Variants in NKTR observed in about 807,000 individuals in gnomAD.
The protein encoded by NKTR is natural killer cell triggering receptor.
NKTR carries 67 observed loss-of-function variants against 156.3 expected under a neutral mutation model. The observed-to-expected ratio is 0.43, with a 90% CI of 0.35 to 0.53. The LOEUF (loss-of-function observed/expected upper bound fraction) is 0.53, where lower values mean the gene tolerates loss of function less well. Ranked by LOEUF, NKTR falls within the 20% of genes least tolerant of loss-of-function variation. The pLI, the probability that NKTR is intolerant of heterozygous loss-of-function variation, is 0.01. For missense variants in NKTR, 1,604 were observed against 1,730.9 expected, an observed-to-expected ratio of 0.93 and a Z score of 1.30; for synonymous variants, 640 against 596.6, an observed-to-expected ratio of 1.07 and a Z score of -1.06.
chr3:42,633,344 C>T, intron 9 of NKTR: 2 of 1,274,194 alleles, frequency 1.6e-6, no homozygotes, highest in Non-Finnish European at 9.9e-7. Flanking sequence ...GCCTGGCCTC[C>T]TGGAACTCTT....
chr3:42,629,104 A>T (rs1438820315), intron 6 of NKTR: 1 of 969,082 alleles, frequency 1.0e-6, no homozygotes, highest in East Asian at 1.1e-4. Flanking sequence ...ACTTTGGTAA[A>T]GTTTTATAAT....
At position 42,607,614 on chromosome 3, in the gene NKTR, G is replaced by A. The variant is rs867672330; in HGVS notation, c.58+6550G>A. Among the ~76,000 whole-genome samples the A allele has an allele frequency of 5.9e-5, 9 of 152,194 alleles. No individual in the cohort carries two copies. In the South Asian group the frequency reaches 6.2e-4, roughly 11 times the overall value. On this transcript the variant is annotated intron_variant, in intron 2 of 16. Transcript: ENST00000232978. ...GATTCCTGGATTTTAAAAAATAGAT[G>A]TATATTTGTCAGTAAACTAGAAGGA... is the stretch of plus-strand genomic sequence containing the variant.
At position 42,635,360 on chromosome 3, in the gene NKTR, G is replaced by GAGAT; in HGVS notation, c.1159_1162dup (p.Lys388ArgfsTer2). 1 of 1,608,006 alleles carries GAGAT rather than the reference G, an allele frequency of 6.2e-7. No individual in the cohort carries two copies. Among genetic ancestry groups the GAGAT allele is most frequent in the Non-Finnish European group, 8.5e-7 (1 of 1,177,444 alleles). On this transcript the variant is annotated frameshift_variant, in exon 12 of 17. Transcript: ENST00000232978. LOFTEE classifies it high-confidence loss of function. ...CCTAGTGGAGAAAAATGGAGTAAAG[G>GAGAT]AGATAAGTAAGAACTTTGAGTATAA...
rs201753830 is a variant in NKTR, at chr3:42,638,063, A to G, written c.2359A>G (p.Lys787Glu). The G allele has an allele frequency of 6.8e-5, 110 of 1,614,160 alleles. 2 individuals are homozygous for G. In the East Asian group the frequency reaches 1.8e-3, roughly 26 times the overall value. The change falls in exon 13 of 17, where the codon AAA becomes GAA. Residue 787 changes from lysine to glutamate, a missense_variant. Around this residue, in one of 6 missense-constraint regions of NKTR, gnomAD observed 1,255 missense variants for 1,243.7 expected, o/e 1.01. Transcript: ENST00000232978. ...SEKTLHSKYV[K>E]GRDRSSCVRK... Reference sequence around the variant, plus strand: ...AAAGACACTTCACAGTAAATATGTCAAAGGTAGAGACAGGTCTTCATGTGT... The same window carrying G: ...AAAGACACTTCACAGTAAATATGTCGAAGGTAGAGACAGGTCTTCATGTGT...
chr3:42,636,843 C>A (rs1346479902), intron 12 of NKTR, 25 bp from the exon 13 acceptor site: 1 of 1,528,626 alleles, frequency 6.5e-7, no homozygotes, highest in African/African-American at 1.4e-5. Flanking sequence ...TAAATCACCG[C>A]ATGAATATTA....
In NKTR at chr3:42,643,390, A is replaced by T. The variant is rs1201243861; in HGVS notation, c.4194A>T (p.Arg1398=). ...GCAGCTCATATGATCCCCACAGTCG[A>T]TCCAGGTATGAACAGGGATTGGGAA... ...SRSSSYDPHS[R]SRSYTYDSYY... The change falls in exon 15 of 17, where the codon CGA becomes CGT. Residue 1398 remains arginine, a synonymous_variant. Coordinates refer to ENST00000232978, the MANE Select transcript of NKTR (RefSeq NM_005385.4). 6.2e-7 allele frequency: 1 copy of T among 1,613,760 alleles called. No homozygotes were observed. Among genetic ancestry groups the T allele is most frequent in the East Asian group, 2.2e-5 (1 of 44,894 alleles).
intron 6 of NKTR, among the ~76,000 whole-genome samples, chr3:42,626,584 A>G (rs987074042): frequency 1.3e-5 from 2 of 152,168 alleles, no homozygotes; most frequent in Non-Finnish European, 2.9e-5. Flanking sequence ...CTTAACTTCA[A>G]TGTGTATCTA....
In NKTR at chr3:42,634,339, TATC is replaced by T. The variant is rs1401938709; in HGVS notation, c.930-271_930-269del. Among the ~76,000 whole-genome samples, 5 of 152,240 alleles carry T rather than the reference TATC, an allele frequency of 3.3e-5. No individual in the cohort carries two copies. In the East Asian group the frequency reaches 7.7e-4, roughly 23 times the overall value. On this transcript the variant is annotated intron_variant, in intron 10 of 16. Transcript: ENST00000232978. Reference sequence around the variant, plus strand: ...AAAGAAAATGTTTCATGAACAGAAATATCATAATGGCTGGTGTCATTGATAAGT... The same window carrying T: ...AAAGAAAATGTTTCATGAACAGAAATATAATGGCTGGTGTCATTGATAAGT...
chr3:42,631,589 T>G (rs1331597725), intron 8 of NKTR, among the ~76,000 whole-genome samples: 1 of 152,236 alleles, frequency 6.6e-6, no homozygotes, highest in Non-Finnish European at 1.5e-5. Context: ...TATAATCTTT[T>G]GTCAGCAGCA....
chr3:42,614,184 T>A (rs953782997), intron 2 of NKTR, among the ~76,000 whole-genome samples: 1 of 152,168 alleles, frequency 6.6e-6, no homozygotes, highest in Non-Finnish European at 1.5e-5. Flanking sequence ...TATTATTTAT[T>A]TAGTCAGCAG....
chr3:42,625,565 GT>G (rs1251481670), intron 6 of NKTR, among the ~76,000 whole-genome samples: 1 of 152,098 alleles, frequency 6.6e-6, no homozygotes. Context: ...GTTTTAAGGG[GT>G]TTGTAAAGCT....
intron 12 of NKTR, chr3:42,635,623 TAA>T (rs1709326104): frequency 3.8e-6 from 1 of 263,632 alleles, no homozygotes. Context: ...ATTTTAGAAA[TAA>T]TTAGGACTTA....
At chr3:42,641,119 T>C (rs1709849801) in intron 13 of NKTR, among the ~76,000 whole-genome samples, 2 of 152,204 alleles carry the variant, frequency 1.3e-5, no homozygotes, top group Admixed American at 6.5e-5. Flanking sequence ...TGGATAAGCC[T>C]GGGTGCTGCC....
Position 42,638,976 on chromosome 3 carries a change from T to A in NKTR, c.3272T>A (p.Ile1091Asn). 1 of 1,613,662 alleles carries A rather than the reference T, an allele frequency of 6.2e-7. No homozygotes were observed. Among genetic ancestry groups the A allele is most frequent in the South Asian group, 1.1e-5 (1 of 90,940 alleles). Residue 1091 changes from isoleucine (I) to asparagine (N), a missense_variant, in exon 13 of 17, where the codon ATT becomes AAT. Coordinates refer to ENST00000232978, the MANE Select transcript of NKTR (RefSeq NM_005385.4). ...QFTKDDSKLS[I>N]SPTALNTEEN... Reference sequence around the variant, plus strand: ...ACTAAAGATGATAGTAAACTCAGTATTTCTCCCACAGCTTTAAATACTGAG... The same window carrying A: ...ACTAAAGATGATAGTAAACTCAGTAATTCTCCCACAGCTTTAAATACTGAG...
Position 42,631,545 on chromosome 3 carries a change from C to T in NKTR, c.550+229C>T, listed in dbSNP as rs75351187. Among the ~76,000 whole-genome samples the T allele has an allele frequency of 9.2e-5, 14 of 152,260 alleles. No individual in the cohort carries two copies. In the East Asian group the frequency reaches 9.6e-4, roughly 10 times the overall value. On this transcript the variant is annotated intron_variant, in intron 8 of 16. Coordinates refer to ENST00000232978, the MANE Select transcript of NKTR (RefSeq NM_005385.4). ...CAGTATTTTGTGTCTGGATTATTGCCGTAGCGTCGTAACTGTTTACCTTGC... is the reference window on the plus strand; with the variant it reads ...CAGTATTTTGTGTCTGGATTATTGCTGTAGCGTCGTAACTGTTTACCTTGC...
intron 5 of NKTR, chr3:42,620,077 A>T: frequency 6.5e-7 from 1 of 1,533,268 alleles, no homozygotes. Context: ...ACAAACTCCA[A>T]TTCTGTTCCC....
intron 2 of NKTR, among the ~76,000 whole-genome samples, chr3:42,614,919 T>G (rs1707197878): frequency 1.3e-5 from 2 of 152,108 alleles, no homozygotes. Flanking sequence ...CAAAAACAAT[T>G]CAGTTTTGTT....
Position 42,645,903 on chromosome 3 carries a change from T to C in NKTR, c.4317T>C (p.Tyr1439=), listed in dbSNP as rs369811848. Residue 1439 remains tyrosine, a synonymous_variant, in exon 17 of 17, where the codon TAT becomes TAC. Coordinates refer to ENST00000232978, the MANE Select transcript of NKTR (RefSeq NM_005385.4). ...GTTATTACAGGAGTTGTAGATCTTATGGCTCTGACAGTGAAAGTGACCGAA... is the reference window on the plus strand; with the variant it reads ...GTTATTACAGGAGTTGTAGATCTTACGGCTCTGACAGTGAAAGTGACCGAA... The part of the protein sequence containing the change: ...YNRRSRSCRS[Y]GSDSESDRSY... 51 of 1,611,586 alleles carry C rather than the reference T, an allele frequency of 3.2e-5. No individual in the cohort carries two copies. The highest frequency in any genetic ancestry group is 2.6e-4 in the South Asian group (24 of 90,788).
At chr3:42,613,564 A>G (rs1205496877) in intron 2 of NKTR, among the ~76,000 whole-genome samples, 4 of 152,208 alleles carry the variant, frequency 2.6e-5, no homozygotes, top group South Asian at 4.1e-4. Flanking sequence ...ATCTATGTAC[A>G]TAATACATGT....
Sources: gnomAD v4.1 joint callset for allele counts (sites outside exome capture counted in the v4.1 genomes callset) on GRCh38, gnomAD v4.1.1 for gene constraint, gnomAD v4.1.1 regional missense constraint, MANE v1.5 for transcripts, NCBI Gene and HGNC (gene_info 2026-07-23, HGNC 2026-07-21) for gene names.